Variants in PCDHGC5 observed in about 807,000 individuals in gnomAD.
PCDHGC5 encodes protocadherin gamma subfamily C, 5, also known as protocadherin gamma-C5.
In PCDHGC5, 25 loss-of-function variants were observed where a neutral mutation model predicts 59.0. That is an observed-to-expected ratio of 0.42 (90% CI 0.31 to 0.59). The LOEUF is 0.59. Ranked by LOEUF, PCDHGC5 falls within the 20% of genes least tolerant of loss-of-function variation. PCDHGC5 has a pLI of 0.13. For missense variants in PCDHGC5, 1,067 were observed against 1,206.4 expected (o/e 0.88, Z 1.71); for synonymous variants, 434 against 505.5 (o/e 0.86, Z 1.90).
In PCDHGC5 at chr5:141,490,858, G is replaced by C. The variant is rs775132338; in HGVS notation, c.1618G>C (p.Gly540Arg). The change falls in exon 1 of 4, where the codon GGC becomes CGC. Residue 540 changes from glycine (G) to arginine (R), a missense_variant. Gly to Arg is a moderately radical substitution (Grantham distance 125). Coordinates refer to ENST00000252087, the MANE Select transcript of PCDHGC5 (RefSeq NM_018929.3). The surrounding 1 kb of genome is among the most constrained non-coding windows in gnomAD (Gnocchi z 5.4). ...GATTGTGGTGGGGGTTCGAGACTCC[G>C]GCTCTCCCCCATTGCATGCCAACAC... ...LQIVVGVRDS[G>R]SPPLHANTSL... The C allele has an allele frequency of 1.5e-5, 24 of 1,613,704 alleles. 1 individual carries two copies. Among genetic ancestry groups the C allele is most frequent in the Non-Finnish European group, 2.0e-5 (24 of 1,179,918 alleles).
rs372054375 is a variant in PCDHGC5, at chr5:141,490,825, A to T, written c.1585A>T (p.Met529Leu). 9 of 1,613,692 alleles carry T rather than the reference A, an allele frequency of 5.6e-6. No individual in the cohort carries two copies. The highest frequency in any genetic ancestry group is 3.3e-4 in the Middle Eastern group (2 of 6,062). The change falls in exon 1 of 4, where the codon ATG becomes TTG. Residue 529 changes from methionine (M) to leucine (L), a missense_variant. Physicochemically the swap from Met to Leu is conservative, Grantham distance 15. Transcript: ENST00000252087. This position sits in a 1 kb window ranked among gnomAD's most constrained non-coding sequence, Gnocchi z 5.4. ...TACCTTTGACTATGAATTGCTGCAG[A>T]TGCTGCAGATTGTGGTGGGGGTTCG... is the stretch of plus-strand genomic sequence containing the variant. ...QRTFDYELLQ[M>L]LQIVVGVRDS...
chr5:141,496,277 T>C (rs1484877198), intron 2 of PCDHGC5, among the ~76,000 whole-genome samples: 1 of 152,134 alleles, frequency 6.6e-6, no homozygotes, highest in Non-Finnish European at 1.5e-5. Context: ...AGACCTTCAG[T>C]TGGTCTGAGC....
intron 2 of PCDHGC5, among the ~76,000 whole-genome samples, chr5:141,501,838 G>C (rs888418141): frequency 6.6e-6 from 1 of 152,000 alleles, no homozygotes; most frequent in African/African-American, 2.4e-5. Flanking sequence ...CACCTGTTTG[G>C]CCCTCAACCT....
In PCDHGC5 at chr5:141,489,432, G is replaced by A. The variant is rs2099687138; in HGVS notation, c.192G>A (p.Leu64=). ...TGACAGATCTGTTGAGCCGGCGGCTGCAATTGGGCTCTGAGGAGAATGGGC... is the reference window on the plus strand; with the variant it reads ...TGACAGATCTGTTGAGCCGGCGGCTACAATTGGGCTCTGAGGAGAATGGGC... ...LKMTDLLSRR[L]QLGSEENGRY... is the part of the protein sequence containing the mutation. Residue 64 remains leucine (L), a synonymous_variant, in exon 1 of 4, where the codon CTG becomes CTA. Transcript: ENST00000252087. The surrounding 1 kb of genome is among the most constrained non-coding windows in gnomAD (Gnocchi z 4.5). 3.1e-6 allele frequency: 5 copies of A among 1,614,166 alleles called. No individual in the cohort carries two copies. Among genetic ancestry groups the A allele is most frequent in the Non-Finnish European group, 4.2e-6 (5 of 1,180,036 alleles).
Position 141,511,256 on chromosome 5 carries a change from TTCAGGGC to T in PCDHGC5, c.*85_*91del. 6.4e-7 allele frequency: 1 copy of T among 1,563,506 alleles called. No individual in the cohort carries two copies. Among genetic ancestry groups the T allele is most frequent in the Non-Finnish European group, 8.7e-7 (1 of 1,154,422 alleles). The stretch of plus-strand genomic sequence containing the variant: ...CTTACCTGCACCCAGGCCTCAGAGT[TTCAGGGC>T]TAACCCCCAGAATACTGGTAGGGGC... On this transcript the variant is annotated 3_prime_UTR_variant, in exon 4 of 4. Coordinates refer to ENST00000252087, the MANE Select transcript of PCDHGC5 (RefSeq NM_018929.3).
intron 2 of PCDHGC5, among the ~76,000 whole-genome samples, chr5:141,500,775 T>C (rs1251282826): frequency 6.6e-6 from 1 of 152,218 alleles, no homozygotes; most frequent in Non-Finnish European, 1.5e-5. Context: ...CTTATGAATA[T>C]ACATATTATT....
At position 141,491,894 on chromosome 5, in the gene PCDHGC5, C is replaced by T. The variant is rs1209251388; in HGVS notation, c.2460+194C>T. The T allele has an allele frequency of 1.5e-5, 22 of 1,434,752 alleles. No individual in the cohort carries two copies. Among genetic ancestry groups the T allele is most frequent in the Admixed American group, 2.9e-5 (1 of 34,278 alleles). 88.9% of individuals were successfully genotyped at this position (1,434,752 alleles called of 1,614,324 possible). The stretch of plus-strand genomic sequence containing the variant: ...GCCGATTAAGGGATGGGGCTCCGAG[C>T]ACCGGGGGTGGTGGCGACTGTGGGC... On this transcript the variant is annotated intron_variant, in intron 1 of 3. Transcript: ENST00000252087. The surrounding 1 kb of genome is among the most constrained non-coding windows in gnomAD (Gnocchi z 6.9).
In PCDHGC5 at chr5:141,490,363, C is replaced by T. The variant is rs779932482; in HGVS notation, c.1123C>T (p.Arg375Ter). 10 of 1,614,036 alleles carry T rather than the reference C, an allele frequency of 6.2e-6. No individual in the cohort carries two copies. The highest frequency in any genetic ancestry group is 1.3e-5 in the African/African-American group (1 of 74,904). Reference protein sequence around the residue: ...VGTVVGLFNVRDRDSGRNGEV... With the variant: ...VGTVVGLFNV The stretch of plus-strand genomic sequence containing the variant: ...CACAGTAGTGGGGTTGTTTAATGTG[C>T]GAGACCGGGACTCAGGTAGAAATGG... Residue 375 changes from arginine to a stop codon, truncating the protein, a stop_gained, in exon 1 of 4, where the codon CGA becomes TGA. Coordinates refer to ENST00000252087, the MANE Select transcript of PCDHGC5 (RefSeq NM_018929.3). LOFTEE classifies it high-confidence loss of function. The surrounding 1 kb of genome is among the most constrained non-coding windows in gnomAD (Gnocchi z 5.4).
chr5:141,489,151 AAG>A lies in PCDHGC5; in HGVS notation c.-86_-85del. ...TTTTTAAGAGGCTGGAAGGAGACAT[AAG>A]AGACTTCAGCTGCTGCATTCCAAGC... On this transcript the variant is annotated 5_prime_UTR_variant, in exon 1 of 4. Coordinates refer to ENST00000252087, the MANE Select transcript of PCDHGC5 (RefSeq NM_018929.3). The surrounding 1 kb of genome is among the most constrained non-coding windows in gnomAD (Gnocchi z 4.5). The A allele has an allele frequency of 1.1e-6, 1 of 932,970 alleles. No homozygotes were observed. The highest frequency in any genetic ancestry group is 1.6e-6 in the Non-Finnish European group (1 of 622,054). 57.8% of individuals were successfully genotyped at this position (932,970 alleles called of 1,614,324 possible).
rs539892249 is a variant in PCDHGC5 at position 141,500,355 on chromosome 5, C to T, written c.2520-5038C>T. ...TCCAGAATAGCTGGGACTACAGGCG[C>T]CCACTACCACGCCCGGCTAATTATT... On this transcript the variant is annotated intron_variant, in intron 2 of 3. Coordinates refer to ENST00000252087, the MANE Select transcript of PCDHGC5 (RefSeq NM_018929.3). Among the ~76,000 whole-genome samples, 274 of 152,030 alleles carry T rather than the reference C, an allele frequency of 1.8e-3. 2 individuals are homozygous for T. The highest frequency in any genetic ancestry group is 6.3e-3 in the African/African-American group (263 of 41,478).
chr5:141,503,221 C>A (rs528636727), intron 2 of PCDHGC5, among the ~76,000 whole-genome samples: 2 of 151,956 alleles, frequency 1.3e-5, no homozygotes, highest in Non-Finnish European at 2.9e-5. Context: ...CCATGAGCAC[C>A]GTAAAGATGG....
rs2099696598 is a variant in PCDHGC5, at chr5:141,490,144, A to C, written c.904A>C (p.Ile302Leu). The C allele has an allele frequency of 2.5e-6, 4 of 1,614,214 alleles. No homozygotes were observed. In the East Asian group the frequency reaches 6.7e-5, roughly 27 times the overall value. ...TGGCCTAGACCCTAGCAGTGGGGCA[A>C]TCCATGTGTTGGGTCCCATAGACTT... ...LFGLDPSSGAIHVLGPIDFEE... is the reference protein window; with the variant it reads ...LFGLDPSSGALHVLGPIDFEE... The change falls in exon 1 of 4, where the codon ATC (isoleucine) becomes CTC (leucine). Residue 302 changes from isoleucine to leucine, a missense_variant. Ile to Leu is a conservative substitution (Grantham distance 5). Transcript: ENST00000252087. The surrounding 1 kb of genome is among the most constrained non-coding windows in gnomAD (Gnocchi z 5.4).
At chr5:141,510,828 C>T in intron 3 of PCDHGC5, 119 bp from the exon 4 acceptor site, 18 of 1,572,154 alleles carry the variant, frequency 1.1e-5, no homozygotes, top group Non-Finnish European at 1.6e-5. Context: ...ATTCCCAGTG[C>T]TCAGCGTGGT....
At chr5:141,503,241 A>G (rs1399557839) in intron 2 of PCDHGC5, among the ~76,000 whole-genome samples, 1 of 152,074 alleles carries the variant, frequency 6.6e-6, no homozygotes, top group Non-Finnish European at 1.5e-5. Context: ...GACAGTTTCT[A>G]TCATACTCAC....
chr5:141,490,336 G>T lies in PCDHGC5; in HGVS notation c.1096G>T (p.Gly366Cys). 2 of 1,614,224 alleles carry T rather than the reference G, an allele frequency of 1.2e-6. No individual in the cohort carries two copies. The highest frequency in any genetic ancestry group is 8.5e-7 in the Non-Finnish European group (1 of 1,180,040). ...CCCTGTCCTAGAGAGCACACCAGTGGGCACAGTAGTGGGGTTGTTTAATGT... is the reference window on the plus strand; with the variant it reads ...CCCTGTCCTAGAGAGCACACCAGTGTGCACAGTAGTGGGGTTGTTTAATGT... ...ANPVLESTPV[G>C]TVVGLFNVRD... The change falls in exon 1 of 4, where the codon GGC (glycine) becomes TGC (cysteine). Residue 366 changes from glycine (G) to cysteine (C), a missense_variant. Gly to Cys is a radical substitution (Grantham distance 159, BLOSUM62 -3). Transcript: ENST00000252087. This position sits in a 1 kb window ranked among gnomAD's most constrained non-coding sequence, Gnocchi z 5.4.
At chr5:141,496,768 A>G (rs997951321) in intron 2 of PCDHGC5, among the ~76,000 whole-genome samples, 10 of 152,260 alleles carry the variant, frequency 6.6e-5, no homozygotes, top group African/African-American at 2.4e-4. Context: ...TCGAGCATCT[A>G]CTATGAGCAG....
chr5:141,490,467 C>T lies in PCDHGC5; in HGVS notation c.1227C>T (p.Ser409=). ...AGAACCACTACTCGCTGCTAACCAG[C>T]CAGCCTTTGGACCGGGAGGCCACAT... is the stretch of plus-strand genomic sequence containing the variant. ...PSENHYSLLT[S]QPLDREATSH... Residue 409 remains serine, a synonymous_variant, in exon 1 of 4, where the codon AGC becomes AGT. Transcript: ENST00000252087. This position sits in a 1 kb window ranked among gnomAD's most constrained non-coding sequence, Gnocchi z 5.4. The T allele has an allele frequency of 6.2e-7, 1 of 1,614,216 alleles. No individual in the cohort carries two copies. The highest frequency in any genetic ancestry group is 8.5e-7 in the Non-Finnish European group (1 of 1,180,040).
chr5:141,500,520 T>TA (rs2099801149), intron 2 of PCDHGC5, among the ~76,000 whole-genome samples: 2 of 152,312 alleles, frequency 1.3e-5, no homozygotes, highest in Admixed American at 1.3e-4. Flanking sequence ...AGCTTCATTT[T>TA]AAAAAAATCT....
intron 2 of PCDHGC5, among the ~76,000 whole-genome samples, chr5:141,499,370 AT>A (rs932083472): frequency 2.0e-5 from 3 of 152,170 alleles, no homozygotes. Context: ...TAGCAACTTA[AT>A]TTTTTTCCAC....
Sources: allele counts gnomAD v4.1 joint callset (sites outside exome capture counted in the v4.1 genomes callset), GRCh38; gene constraint gnomAD v4.1.1; non-coding constraint Gnocchi (gnomAD v3.1); transcripts MANE v1.5; gene names NCBI Gene and HGNC (gene_info 2026-07-23, HGNC 2026-07-21).